ATP2C1: variants seen among roughly 807,000 people sequenced by gnomAD.
ATP2C1 encodes the protein ATPase secretory pathway Ca2+ transporting 1, also known as calcium-transporting ATPase type 2C member 1.
ATP2C1 carries 31 observed loss-of-function variants against 120.5 expected under a neutral mutation model. The ratio of observed to expected loss-of-function variants is 0.26; its 90% CI spans 0.19 to 0.35. ATP2C1 has a LOEUF of 0.35. ATP2C1 is among the 10% of genes least tolerant of loss of function. ATP2C1 has a pLI of 1.00. For synonymous variants in ATP2C1, 351 were observed against 358.7 expected (o/e 0.98, Z 0.24); for missense variants, 731 against 1,107.5 (o/e 0.66, Z 4.83).
chr3:130,954,260 T>C (rs1355211266), intron 9 of ATP2C1, among the ~76,000 whole-genome samples: 2 of 152,210 alleles, frequency 1.3e-5, no homozygotes, highest in Non-Finnish European at 2.9e-5. Flanking sequence ...AAATAAATTT[T>C]AATTTAGTTA....
chr3:130,980,484 A>G (rs537162555), intron 19 of ATP2C1, 98 bp from the exon 20 acceptor site: 1 of 828,556 alleles, frequency 1.2e-6, no homozygotes, highest in African/African-American at 1.7e-5. Context: ...GTAACAAAAG[A>G]GAACAGATAA....
intron 12 of ATP2C1, among the ~76,000 whole-genome samples, chr3:130,961,383 T>C (rs1029248190): frequency 3.9e-5 from 6 of 152,012 alleles, no homozygotes; most frequent in African/African-American, 1.2e-4. Context: ...TGCAATTCTG[T>C]TTTGCAGTAT....
rs201337484 is a variant in ATP2C1 at position 130,970,369 on chromosome 3, TACACACACAC to T, written c.1413+1002_1413+1011del. Among the ~76,000 whole-genome samples, 75 of 130,730 alleles carry T rather than the reference TACACACACAC, an allele frequency of 5.7e-4. 1 individual carries two copies. Among genetic ancestry groups the T allele is most frequent in the Middle Eastern group, 4.0e-3 (1 of 250 alleles). The allele number at this position is 130,730 out of a possible 152,430, so 85.8% of individuals were successfully genotyped here. A position where few individuals can be genotyped will look rare whatever the true frequency, so the allele number is the denominator to read the frequency against. On this transcript the variant is annotated intron_variant, in intron 17 of 27. Coordinates refer to ENST00000510168, the MANE Select transcript of ATP2C1 (RefSeq NM_001378687.1). ...GCAACAGCCTGTCTAAAAAAAAAAT[TACACACACAC>T]ACACACACACACACACACACACACA... is the stretch of plus-strand genomic sequence containing the variant.
upstream of ATP2C1, among the ~76,000 whole-genome samples, chr3:130,892,038 A>G (rs2069188251): frequency 6.6e-6 from 1 of 152,144 alleles, no homozygotes; most frequent in Non-Finnish European, 1.5e-5. Flanking sequence ...AATTTAGGGG[A>G]CCAAAAGTAA....
chr3:130,932,590 A>G (rs2059494259), intron 4 of ATP2C1, among the ~76,000 whole-genome samples: 1 of 152,154 alleles, frequency 6.6e-6, no homozygotes, highest in Non-Finnish European at 1.5e-5. Flanking sequence ...AATGGTGATG[A>G]TAACCTTACG....
chr3:130,882,616 A>G (rs1037758861), intron 1 of ATP2C1, among the ~76,000 whole-genome samples: 6 of 152,152 alleles, frequency 3.9e-5, no homozygotes, highest in African/African-American at 1.4e-4. Context: ...AAGTGATCAT[A>G]TGGTTTTTGT....
intron 1 of ATP2C1, among the ~76,000 whole-genome samples, chr3:130,881,870 A>G (rs924586165): frequency 6.6e-5 from 10 of 152,204 alleles, no homozygotes; most frequent in Admixed American, 5.2e-4. Flanking sequence ...CTGTTGGCAT[A>G]TAGAAATGCT....
At chr3:130,971,038 G>A (rs560736027) in intron 17 of ATP2C1, among the ~76,000 whole-genome samples, 6 of 152,220 alleles carry the variant, frequency 3.9e-5, no homozygotes, top group South Asian at 4.1e-4. Flanking sequence ...CACTTTAAAC[G>A]TTTTAATGTA....
At chr3:130,887,239 C>T (rs539186113) in intron 1 of ATP2C1, among the ~76,000 whole-genome samples, 3 of 152,186 alleles carry the variant, frequency 2.0e-5, no homozygotes, top group Non-Finnish European at 4.4e-5. Context: ...ATACTACCCC[C>T]CTGGCCCTCA....
chr3:130,879,859 G>A (rs186302416), intron 1 of ATP2C1, among the ~76,000 whole-genome samples: 1 of 152,322 alleles, frequency 6.6e-6, no homozygotes, highest in East Asian at 1.9e-4. Flanking sequence ...GCAGTTGTCT[G>A]TGGGAAAGCT....
intron 2 of ATP2C1, among the ~76,000 whole-genome samples, chr3:130,897,296 C>G (rs1349918688): frequency 6.6e-6 from 1 of 152,130 alleles, no homozygotes; most frequent in Non-Finnish European, 1.5e-5. Flanking sequence ...CAGAAAGAGA[C>G]AGGTTTGGAT....
chr3:130,859,018 A>AC (rs1484675455), intron 1 of ATP2C1, among the ~76,000 whole-genome samples: 10 of 152,122 alleles, frequency 6.6e-5, no homozygotes, highest in Admixed American at 2.6e-4. Flanking sequence ...GGGGTATGTG[A>AC]CCCCTCCTTA....
chr3:130,969,403 A>C lies in ATP2C1; in HGVS notation c.1413+7A>C. 1.2e-6 allele frequency: 2 copies of C among 1,605,828 alleles called. No individual in the cohort carries two copies. Among genetic ancestry groups the C allele is most frequent in the South Asian group, 2.2e-5 (2 of 90,892 alleles). ...TGTACACCGAACACAGCAGGTATCC[A>C]TCTGTTTAAAGAATACTTATTTCCT... On this transcript the variant is annotated splice_region_variant and intron_variant, in intron 17 of 27. Transcript: ENST00000510168.
At chr3:130,902,717 C>A (rs538856156) in intron 2 of ATP2C1, among the ~76,000 whole-genome samples, 3 of 151,884 alleles carry the variant, frequency 2.0e-5, no homozygotes, top group Admixed American at 6.6e-5. Flanking sequence ...CTAGACCCCC[C>A]CCGAAGTCAG....
chr3:130,909,882 T>G (rs986098350), intron 2 of ATP2C1, among the ~76,000 whole-genome samples: 3 of 151,940 alleles, frequency 2.0e-5, no homozygotes, highest in Non-Finnish European at 4.4e-5. Flanking sequence ...ATTTATTTAT[T>G]GTCAATAGAG....
chr3:130,986,258 T>C (rs2062008116), intron 20 of ATP2C1, among the ~76,000 whole-genome samples: 2 of 151,408 alleles, frequency 1.3e-5, no homozygotes, highest in Admixed American at 1.3e-4. Flanking sequence ...AAATCCCATA[T>C]TGGATTTTTT....
chr3:130,902,106 C>T (rs1472045046), intron 2 of ATP2C1, among the ~76,000 whole-genome samples: 1 of 152,002 alleles, frequency 6.6e-6, no homozygotes, highest in South Asian at 2.1e-4. Flanking sequence ...CCTTGGTTTC[C>T]TCACTTGTAA....
At chr3:130,883,088 T>C (rs2068838266) in intron 1 of ATP2C1, among the ~76,000 whole-genome samples, 1 of 152,206 alleles carries the variant, frequency 6.6e-6, no homozygotes, top group Non-Finnish European at 1.5e-5. Context: ...GTTATGTGTC[T>C]AGGAATTTAC....
intron 1 of ATP2C1, among the ~76,000 whole-genome samples, chr3:130,860,922 T>A (rs958417680): frequency 6.6e-6 from 1 of 152,232 alleles, no homozygotes; most frequent in African/African-American, 2.4e-5. Flanking sequence ...TTGCAAAGTT[T>A]AAAGTTTATT....
Sources: gnomAD v4.1 joint callset for allele counts (sites outside exome capture counted in the v4.1 genomes callset) on GRCh38, gnomAD v4.1.1 for gene constraint, MANE v1.5 for transcripts, NCBI Gene and HGNC (gene_info 2026-07-23, HGNC 2026-07-21) for gene names.